LRRK1: variants seen among roughly 807,000 people sequenced by gnomAD.
LRRK1 encodes the protein leucine rich repeat kinase 1.
LRRK1 carries 113 observed loss-of-function variants against 209.1 expected under a neutral mutation model. That is an observed-to-expected ratio of 0.54 (90% CI 0.46 to 0.63). LRRK1 has a LOEUF of 0.63. LRRK1 is among the 30% of genes least tolerant of loss of function. LRRK1 has a pLI of 0.00. For missense variants in LRRK1, 2,284 were observed against 2,632.2 expected (o/e 0.87, Z 2.89); for synonymous variants, 1,144 against 1,099.7 (o/e 1.04, Z -0.80).
chr15:100,950,995 T>G (rs538042397), intron 2 of LRRK1, among the ~76,000 whole-genome samples: 1 of 152,020 alleles, frequency 6.6e-6, no homozygotes, highest in Non-Finnish European at 1.5e-5. Context: ...CCCAGCTATT[T>G]GGGAGGCTGA....
At chr15:101,062,843 CA>C (rs1010545681) in intron 31 of LRRK1, among the ~76,000 whole-genome samples, 153 bp downstream of exon 31, 8 of 152,208 alleles carry the variant, frequency 5.3e-5, no homozygotes, top group African/African-American at 1.7e-4. Flanking sequence ...GGAAAGATAT[CA>C]GACCTGGTCC....
At chr15:101,009,777 G>A (rs1022847839) in intron 7 of LRRK1, among the ~76,000 whole-genome samples, 1 of 151,908 alleles carries the variant, frequency 6.6e-6, no homozygotes. Context: ...TAGTAGAGAC[G>A]GGGTTTCACC....
intron 2 of LRRK1, among the ~76,000 whole-genome samples, chr15:100,941,464 CTG>C (rs763355554): frequency 0.031 from 2,757 of 88,642 alleles, 103 homozygotes; most frequent in African/African-American, 0.081. Flanking sequence ...GTCTATGTCT[CTG>C]TGTGTGTGTG....
intron 29 of LRRK1, among the ~76,000 whole-genome samples, chr15:101,060,104 G>C (rs1258738419): frequency 6.6e-6 from 1 of 152,202 alleles, no homozygotes; most frequent in African/African-American, 2.4e-5. Context: ...GGCCTGAAGA[G>C]AGACTCACTC....
chr15:101,067,108 C>T (rs2036574327), intron 33 of LRRK1: 2 of 364,610 alleles, frequency 5.5e-6, no homozygotes, highest in Admixed American at 3.5e-5. Flanking sequence ...GAGGTGTCCA[C>T]CAGCCCACAC....
In LRRK1 at chr15:101,062,590, T is replaced by C; in HGVS notation, c.4814T>C (p.Ile1605Thr). 2.5e-6 allele frequency: 4 copies of C among 1,613,650 alleles called. No individual in the cohort carries two copies. Among genetic ancestry groups the C allele is most frequent in the Non-Finnish European group, 3.4e-6 (4 of 1,179,544 alleles). Reference protein sequence around the residue: ...WTATEDQKIYIYTLKGMCPLN... With the variant: ...WTATEDQKIYTYTLKGMCPLN... ...CCTCTGCAGGACCAGAAAATCTACA[T>C]CTACACCCTCAAGGGCATGTGCCCC... Residue 1605 changes from isoleucine to threonine, a missense_variant, in exon 31 of 34, where the codon ATC becomes ACC. Physicochemically the swap from Ile to Thr is moderately conservative, Grantham distance 89 (BLOSUM62 -1). Transcript: ENST00000388948.
intron 21 of LRRK1, 62 bp downstream of exon 21, chr15:101,046,214 G>T: frequency 6.5e-7 from 1 of 1,542,248 alleles, no homozygotes; most frequent in Non-Finnish European, 8.9e-7. Flanking sequence ...TTGTACCACT[G>T]GGGGAGGGGA....
In LRRK1 at chr15:101,027,529, G is replaced by A. The variant is rs929487538; in HGVS notation, c.2527-109G>A. On this transcript the variant is annotated intron_variant, in intron 18 of 33. Coordinates refer to ENST00000388948, the MANE Select transcript of LRRK1 (RefSeq NM_024652.6). This position sits in a 1 kb window ranked among gnomAD's most constrained non-coding sequence, Gnocchi z 5.1. Reference sequence around the variant, plus strand: ...GGGAGGGTCAGGATGGAAGATAGTGGGTGGAAACGTCCCACCCCCTCAGGC... The same window carrying A: ...GGGAGGGTCAGGATGGAAGATAGTGAGTGGAAACGTCCCACCCCCTCAGGC... 3.3e-6 allele frequency: 5 copies of A among 1,500,584 alleles called. No individual in the cohort carries two copies. Among genetic ancestry groups the A allele is most frequent in the Admixed American group, 2.1e-5 (1 of 48,144 alleles). The allele number at this position is 1,500,584 out of a possible 1,614,324, so 93.0% of individuals were successfully genotyped here.
In LRRK1 at chr15:101,026,147, C is replaced by G; in HGVS notation, c.2405+10C>G. Reference sequence around the variant, plus strand: ...CCTTCAAACACTTACAGTGAGTGCCCAGCCTCGGGCAGCTCCTGCCTTCTT... The same window carrying G: ...CCTTCAAACACTTACAGTGAGTGCCGAGCCTCGGGCAGCTCCTGCCTTCTT... On this transcript the variant is annotated intron_variant, in intron 17 of 33. Transcript: ENST00000388948. 1 of 1,613,228 alleles carries G rather than the reference C, an allele frequency of 6.2e-7. No individual in the cohort carries two copies. Among genetic ancestry groups the G allele is most frequent in the Non-Finnish European group, 8.5e-7 (1 of 1,179,234 alleles).
chr15:101,015,422 C>T lies in LRRK1; in HGVS notation c.1609+20C>T, dbSNP rs1215148057. ...AGGCAGGTGTGTGTGGGTTGGGAGACGGTGTTCCCAGATGAGACAGCCGGG... is the reference window on the plus strand; with the variant it reads ...AGGCAGGTGTGTGTGGGTTGGGAGATGGTGTTCCCAGATGAGACAGCCGGG... On this transcript the variant is annotated intron_variant, in intron 12 of 33. Coordinates refer to ENST00000388948, the MANE Select transcript of LRRK1 (RefSeq NM_024652.6). 4.4e-6 allele frequency: 7 copies of T among 1,596,526 alleles called. No homozygotes were observed. The highest frequency in any genetic ancestry group is 1.3e-5 in the African/African-American group (1 of 74,640).
chr15:100,932,984 C>T (rs912324556), intron 2 of LRRK1, among the ~76,000 whole-genome samples: 1 of 152,178 alleles, frequency 6.6e-6, no homozygotes, highest in Admixed American at 6.5e-5. Flanking sequence ...AGAATCACCC[C>T]CTTCCCTGCT....
At position 101,061,016 on chromosome 15, in the gene LRRK1, G is replaced by A. The variant is rs140185108; in HGVS notation, c.4680-155G>A. 5.7e-3 allele frequency among the ~76,000 whole-genome samples: 865 copies of A among 152,328 alleles called. 4 individuals carry two copies. The highest frequency in any genetic ancestry group is 0.02 in the African/African-American group (835 of 41,578). Reference sequence around the variant, plus strand: ...GGGCGACGGTCAAGCATTACCCTTCGGGCAGAACCCGGCTCTGCCCTCTCA... The same window carrying A: ...GGGCGACGGTCAAGCATTACCCTTCAGGCAGAACCCGGCTCTGCCCTCTCA... On this transcript the variant is annotated intron_variant, in intron 29 of 33. Coordinates refer to ENST00000388948, the MANE Select transcript of LRRK1 (RefSeq NM_024652.6).
At position 101,024,880 on chromosome 15, in the gene LRRK1, G is replaced by C. The variant is rs772724015; in HGVS notation, c.2145G>C (p.Thr715=). The C allele has an allele frequency of 2.5e-6, 4 of 1,614,154 alleles. No homozygotes were observed. In the Admixed American group the frequency reaches 6.7e-5, roughly 27 times the overall value. ...SMATVNQCFF[T]DKALYVVVWN... ...CCACTGTCAACCAGTGCTTCTTCAC[G>C]GACAAGGCCCTGTACGTGGTGGTCT... The change falls in exon 16 of 34, where the codon ACG becomes ACC. Residue 715 remains threonine (T), a synonymous_variant. Transcript: ENST00000388948. The surrounding 1 kb of genome is among the most constrained non-coding windows in gnomAD (Gnocchi z 4.6).
At chr15:101,014,191 G>T in intron 10 of LRRK1, 125 bp from the exon 11 acceptor site, 1 of 699,924 alleles carries the variant, frequency 1.4e-6, no homozygotes, top group East Asian at 2.5e-5. Flanking sequence ...TGGGATCTGC[G>T]TGAAGGAAAA....
rs1266250779 is a variant in LRRK1, at chr15:100,919,394, T to A, written c.-180T>A. ...GACGGCCAGGCCCCGGCCCCGCCAGTGTGTCCGCCCGGCCCCGCGTCCCGG... is the reference window on the plus strand; with the variant it reads ...GACGGCCAGGCCCCGGCCCCGCCAGAGTGTCCGCCCGGCCCCGCGTCCCGG... On this transcript the variant is annotated 5_prime_UTR_variant, in exon 1 of 34. Transcript: ENST00000388948. The surrounding 1 kb of genome is among the most constrained non-coding windows in gnomAD (Gnocchi z 5.8). 6.7e-6 allele frequency: 1 copy of A among 149,064 alleles called. No individual in the cohort carries two copies. The highest frequency in any genetic ancestry group is 1.5e-5 in the Non-Finnish European group (1 of 66,854). 9.2% of individuals were successfully genotyped at this position (149,064 alleles called of 1,614,324 possible).
At chr15:100,970,507 T>C (rs12912826) in intron 2 of LRRK1, among the ~76,000 whole-genome samples, 18,154 of 152,256 alleles carry the variant, frequency 0.12, 1,145 homozygotes, top group African/African-American at 0.14. Flanking sequence ...GCCATTTGTC[T>C]ATACCAGTAC....
chr15:100,970,182 A>G (rs2030770361), intron 2 of LRRK1, among the ~76,000 whole-genome samples: 1 of 152,208 alleles, frequency 6.6e-6, no homozygotes, highest in East Asian at 1.9e-4. Context: ...GGGCCACCGC[A>G]TGAGCCACCG....
At chr15:101,066,578 T>G in intron 32 of LRRK1, 62 bp from the exon 33 acceptor site, 1 of 1,495,994 alleles carries the variant, frequency 6.7e-7, no homozygotes, top group Middle Eastern at 1.7e-4. Context: ...CACACCGGCT[T>G]CACTCCCCGG....
chr15:100,998,321 G>A (rs572252327), intron 6 of LRRK1, among the ~76,000 whole-genome samples: 1 of 152,200 alleles, frequency 6.6e-6, no homozygotes, highest in South Asian at 2.1e-4. Context: ...TCAGCACACT[G>A]CTCCTCCTCG....
Sources: gnomAD v4.1 joint callset for allele counts (sites outside exome capture counted in the v4.1 genomes callset) on GRCh38, gnomAD v4.1.1 for gene constraint, Gnocchi (gnomAD v3.1) non-coding constraint, MANE v1.5 for transcripts, NCBI Gene and HGNC (gene_info 2026-07-23, HGNC 2026-07-21) for gene names.